SFI1: variants seen among roughly 807,000 people sequenced by gnomAD.
SFI1 encodes SFI1 centrin binding protein, also known as protein SFI1 homolog.
Under a neutral mutation model 207.5 loss-of-function variants are expected in SFI1, and 195 were observed. The observed-to-expected ratio is 0.94, with a 90% CI of 0.84 to 1.06. The LOEUF is 1.06. SFI1 is among the 50% of genes least tolerant of loss of function. The probability of loss-of-function intolerance (pLI) is 0.00; values close to 1 mark genes in which losing one functional copy is unlikely to be tolerated. For missense variants in SFI1, 1,634 were observed against 1,588.0 expected (o/e 1.03, Z -0.49); for synonymous variants, 630 against 598.9 (o/e 1.05, Z -0.76).
At chr22:31,552,613 G>C (rs1325500435) in intron 6 of SFI1, among the ~76,000 whole-genome samples, 1 of 152,110 alleles carries the variant, frequency 6.6e-6, no homozygotes, top group Non-Finnish European at 1.5e-5. Context: ...CTTTGCTGTT[G>C]AGAATAGTGC....
In SFI1 at chr22:31,613,832, T is replaced by C. The variant is rs1240518879; in HGVS notation, c.2973T>C (p.Ala991=). 1.2e-6 allele frequency: 2 copies of C among 1,608,330 alleles called. No homozygotes were observed. Among genetic ancestry groups the C allele is most frequent in the Non-Finnish European group, 1.7e-6 (2 of 1,177,722 alleles). The change falls in exon 27 of 33, where the codon GCT becomes GCC. Residue 991 remains alanine (A), a synonymous_variant. Coordinates refer to ENST00000400288, the MANE Select transcript of SFI1 (RefSeq NM_001007467.3). Reference sequence around the variant, plus strand: ...TGGGAGCTCTGGGCCGCCTGGCTGCTGAGGAGCCCCACGCCCTGGAGCTGT... The same window carrying C: ...TGGGAGCTCTGGGCCGCCTGGCTGCCGAGGAGCCCCACGCCCTGGAGCTGT... ...RPLGALGRLA[A]EEPHALELNT...
rs758898165 is a variant in SFI1 at position 31,511,464 on chromosome 22, G to GTTT, written c.92+3108_92+3110dup. The stretch of plus-strand genomic sequence containing the variant: ...GGCCTCTAACTCTGGCATAGTTTCT[G>GTTT]TTTTTTTTTTTTTTTTTTTTTTGAG... On this transcript the variant is annotated intron_variant, in intron 2 of 32. Coordinates refer to ENST00000400288, the MANE Select transcript of SFI1 (RefSeq NM_001007467.3). Among the ~76,000 whole-genome samples, 136 of 114,514 alleles carry GTTT rather than the reference G, an allele frequency of 1.2e-3. 6 individuals carry two copies. The highest frequency in any genetic ancestry group is 2.7e-3 in the Admixed American group (25 of 9,172). The allele number at this position is 114,514 out of a possible 152,430, so 75.1% of individuals were successfully genotyped here. A position where few individuals can be genotyped will look rare whatever the true frequency, so the allele number is the denominator to read the frequency against.
At chr22:31,514,344 A>C (rs2056142850) in intron 2 of SFI1, among the ~76,000 whole-genome samples, 1 of 150,924 alleles carries the variant, frequency 6.6e-6, no homozygotes, top group Admixed American at 6.6e-5. Flanking sequence ...TCTCTACTAA[A>C]AATACAAAAA....
At position 31,546,887 on chromosome 22, in the gene SFI1, G is replaced by C. The variant is rs372706759; in HGVS notation, c.365G>C (p.Arg122Pro). The C allele has an allele frequency of 2.5e-6, 4 of 1,610,812 alleles. No homozygotes were observed. Among genetic ancestry groups the C allele is most frequent in the Non-Finnish European group, 3.4e-6 (4 of 1,178,564 alleles). ...TTTTACTATGAGCAGCGATTACTACGGAAGGTCTTCGAAGAATGGAAAGAG... is the reference window on the plus strand; with the variant it reads ...TTTTACTATGAGCAGCGATTACTACCGAAGGTCTTCGAAGAATGGAAAGAG... The part of the protein sequence containing the change: ...ARFYYEQRLL[R>P]KVFEEWKEEW... Residue 122 changes from arginine to proline, a missense_variant, in exon 5 of 33, where the codon CGG becomes CCG. Arg to Pro is a moderately radical substitution (Grantham distance 103). Coordinates refer to ENST00000400288, the MANE Select transcript of SFI1 (RefSeq NM_001007467.3).
intron 2 of SFI1, among the ~76,000 whole-genome samples, chr22:31,514,473 A>G (rs569432704): frequency 7.4e-6 from 1 of 135,914 alleles, no homozygotes; most frequent in Non-Finnish European, 1.5e-5. Flanking sequence ...GCTCCACTAC[A>G]CTCCAGCCTG....
Position 31,568,095 on chromosome 22 carries a change from A to C in SFI1, c.766-4963A>C, listed in dbSNP as rs144912543. ...CAATAGAAAAGAAAAGATTACAAGT[A>C]TAAAAAGCAAAGAAATCTGCAATTG... On this transcript the variant is annotated intron_variant, in intron 8 of 32. Coordinates refer to ENST00000400288, the MANE Select transcript of SFI1 (RefSeq NM_001007467.3). Among the ~76,000 whole-genome samples the C allele has an allele frequency of 2.7e-4, 41 of 152,076 alleles. 1 individual carries two copies. The East Asian group carries it at 6.8e-3, about 25-fold the overall frequency.
At chr22:31,523,058 T>C (rs2057468676) in intron 2 of SFI1, among the ~76,000 whole-genome samples, 1 of 152,218 alleles carries the variant, frequency 6.6e-6, no homozygotes, top group East Asian at 1.9e-4. Context: ...CTTTTGGCTA[T>C]TGTGAATTAT....
At chr22:31,501,795 T>G (rs960887040) in intron 1 of SFI1, among the ~76,000 whole-genome samples, 2 of 152,228 alleles carry the variant, frequency 1.3e-5, no homozygotes, top group African/African-American at 4.8e-5. Flanking sequence ...AACATAACAT[T>G]GATAAGAAAA....
At chr22:31,608,243 C>T (rs961745802) in intron 22 of SFI1, among the ~76,000 whole-genome samples, 4 of 152,208 alleles carry the variant, frequency 2.6e-5, no homozygotes, top group African/African-American at 9.7e-5. Flanking sequence ...CAAGGTGTGG[C>T]AGGGCCATGC....
At chr22:31,535,782 A>G (rs1316625539) in intron 4 of SFI1, among the ~76,000 whole-genome samples, 1 of 152,014 alleles carries the variant, frequency 6.6e-6, no homozygotes, top group East Asian at 1.9e-4. Context: ...GTCTCGCTGT[A>G]TTGCCCTGCA....
chr22:31,612,857 C>T, intron 24 of SFI1: 1 of 454,092 alleles, frequency 2.2e-6, no homozygotes, highest in Non-Finnish European at 4.0e-6. Flanking sequence ...TCTTCCCGTT[C>T]TGTTGTCCTG....
intron 2 of SFI1, among the ~76,000 whole-genome samples, chr22:31,523,389 A>G (rs1044512191): frequency 5.3e-5 from 8 of 152,230 alleles, no homozygotes; most frequent in Non-Finnish European, 8.8e-5. Context: ...ATTAGAAACC[A>G]CTTTCCCAAA....
At chr22:31,544,669 C>T (rs2059908135) in intron 4 of SFI1, among the ~76,000 whole-genome samples, 1 of 151,954 alleles carries the variant, frequency 6.6e-6, no homozygotes, top group African/African-American at 2.4e-5. Context: ...GTGGAAGGAT[C>T]ACTTGAGCCT....
intron 10 of SFI1, 140 bp downstream of exon 10, chr22:31,575,532 TA>T: frequency 1.1e-6 from 1 of 879,614 alleles, no homozygotes; most frequent in South Asian, 2.7e-5. Context: ...TTGACAGTCT[TA>T]AAATTTTTGT....
intron 5 of SFI1, among the ~76,000 whole-genome samples, chr22:31,549,012 G>C (rs1020804857): frequency 6.6e-5 from 10 of 151,892 alleles, no homozygotes; most frequent in African/African-American, 2.2e-4. Flanking sequence ...TGTCGGCCAG[G>C]CATGGTAGCT....
chr22:31,566,071 C>T (rs2062267901), intron 8 of SFI1, among the ~76,000 whole-genome samples: 1 of 151,856 alleles, frequency 6.6e-6, no homozygotes, highest in South Asian at 2.1e-4. Flanking sequence ...TGTTGACTTC[C>T]TCTGCTTTTT....
intron 5 of SFI1, 138 bp from the exon 6 acceptor site, chr22:31,550,116 A>T (rs2060487526): frequency 3.5e-6 from 2 of 570,574 alleles, no homozygotes; most frequent in South Asian, 5.0e-5. Context: ...TTTAGTTGAG[A>T]TGGGGTTTCA....
At position 31,602,761 on chromosome 22, in the gene SFI1, A is replaced by G. The variant is rs1288025058; in HGVS notation, c.1781A>G (p.Glu594Gly). Residue 594 changes from glutamate to glycine, a missense_variant, in exon 17 of 33, where the codon GAA becomes GGA. Physicochemically the swap from Glu to Gly is moderately conservative, Grantham distance 98. Coordinates refer to ENST00000400288, the MANE Select transcript of SFI1 (RefSeq NM_001007467.3). ...AAGAAAGCTTTCTGCCTCTGGAGGG[A>G]AAGTGCCCAAGGGCTCAGAACAGAG... ...RLKKAFCLWR[E>G]SAQGLRTERT... 2 of 1,613,846 alleles carry G rather than the reference A, an allele frequency of 1.2e-6. No homozygotes were observed. Among genetic ancestry groups the G allele is most frequent in the Non-Finnish European group, 1.7e-6 (2 of 1,180,018 alleles).
chr22:31,556,845 A>G (rs1170793301), intron 6 of SFI1, 97 bp from the exon 7 acceptor site: 7 of 755,770 alleles, frequency 9.3e-6, no homozygotes, highest in Admixed American at 5.3e-5. Flanking sequence ...GGCTGGAGGG[A>G]TTTAGGTATT....
Sources: allele counts gnomAD v4.1 joint callset (sites outside exome capture counted in the v4.1 genomes callset), GRCh38; gene constraint gnomAD v4.1.1; transcripts MANE v1.5; gene names NCBI Gene and HGNC (gene_info 2026-07-23, HGNC 2026-07-21).